CALD1: variants seen among roughly 807,000 people sequenced by gnomAD.
The protein encoded by CALD1 is caldesmon 1.
Under a neutral mutation model 99.9 loss-of-function variants are expected in CALD1, and 33 were observed. The ratio of observed to expected loss-of-function variants is 0.33; its 90% CI spans 0.25 to 0.44. CALD1 has a LOEUF of 0.44. Among genes scored for constraint, CALD1 ranks in the 20% least tolerant of loss-of-function variants. CALD1 has a pLI of 1.00. For missense variants in CALD1, 861 were observed against 962.1 expected (o/e 0.89, Z 1.39); for synonymous variants, 310 against 325.0 (o/e 0.95, Z 0.50).
chr7:134,923,864 G>A (rs554789510), intron 3 of CALD1, among the ~76,000 whole-genome samples: 1 of 152,254 alleles, frequency 6.6e-6, no homozygotes, highest in South Asian at 2.1e-4. Context: ...ATTAAACTCA[G>A]AAATTCTAAC....
At chr7:134,782,755 G>A (rs1797157167) in intron 1 of CALD1, among the ~76,000 whole-genome samples, 1 of 152,168 alleles carries the variant, frequency 6.6e-6, no homozygotes, top group Non-Finnish European at 1.5e-5. Context: ...TGGACATTAT[G>A]CTCATCTTGG....
At chr7:134,808,021 A>G (rs554396060) in intron 1 of CALD1, among the ~76,000 whole-genome samples, 30 of 152,338 alleles carry the variant, frequency 2.0e-4, no homozygotes, top group African/African-American at 7.0e-4. Flanking sequence ...CTCAGAGACT[A>G]AATTCTGCCA....
intron 1 of CALD1, among the ~76,000 whole-genome samples, chr7:134,802,447 A>G (rs1184457346): frequency 6.6e-6 from 1 of 152,240 alleles, no homozygotes; most frequent in Non-Finnish European, 1.5e-5. Flanking sequence ...ATTAATATAC[A>G]TAACTTGTTT....
At chr7:134,740,666 G>A (rs1796585240), upstream of CALD1, among the ~76,000 whole-genome samples, 1 of 152,180 alleles carries the variant, frequency 6.6e-6, no homozygotes, top group Admixed American at 6.5e-5. Context: ...TTGGAACAGT[G>A]ACAAACTAGA....
intron 3 of CALD1, among the ~76,000 whole-genome samples, chr7:134,868,979 ATAG>A (rs1216120893): frequency 6.6e-6 from 1 of 152,232 alleles, no homozygotes; most frequent in Non-Finnish European, 1.5e-5. Flanking sequence ...TACCTAGCAC[ATAG>A]TAGTTTTTCA....
At chr7:134,714,765 G>A in the CALD1 span, among the ~76,000 whole-genome samples, 1 of 152,204 alleles carries the variant, frequency 6.6e-6, no homozygotes, top group African/African-American at 2.4e-5. Context: ...AAAATGGGTG[G>A]TAACTTCCAG....
chr7:134,735,367 C>T, the CALD1 span, among the ~76,000 whole-genome samples: 1 of 152,100 alleles, frequency 6.6e-6, no homozygotes, highest in Non-Finnish European at 1.5e-5. Context: ...TAACACACAC[C>T]ATTCAGTATA....
chr7:134,857,179 T>G (rs1324202856), intron 2 of CALD1, among the ~76,000 whole-genome samples: 1 of 130,562 alleles, frequency 7.7e-6, no homozygotes, highest in Non-Finnish European at 1.6e-5. Flanking sequence ...TTTTTTTTTT[T>G]TTTTTTGGAG....
chr7:134,947,566 G>A lies in CALD1; in HGVS notation c.1591G>A (p.Glu531Lys). 6.4e-7 allele frequency: 1 copy of A among 1,562,398 alleles called. No homozygotes were observed. The highest frequency in any genetic ancestry group is 2.4e-5 in the East Asian group (1 of 41,612). Residue 531 changes from glutamate to lysine, a missense_variant, in exon 8 of 15, where the codon GAA becomes AAA. Physicochemically the swap from Glu to Lys is moderately conservative, Grantham distance 56. Coordinates refer to ENST00000361675, the MANE Select transcript of CALD1 (RefSeq NM_033138.4). Reference protein sequence around the residue: ...TKEAEGAPQVEAGKRLEELRR... With the variant: ...TKEAEGAPQVKAGKRLEELRR... ...GGAGGCTGAGGGCGCCCCCCAGGTG[G>A]AAGCCGGCAAAAGGCTGGAGGAGCT...
At position 134,958,189 on chromosome 7, in the gene CALD1, G is replaced by A. The variant is rs753641147; in HGVS notation, c.1980-20G>A. ...AAGATTCTCTCTCATATTTTTATAT[G>A]TATGTGTTTACTTTTTTAGCAGTGG... On this transcript the variant is annotated intron_variant, in intron 10 of 14. Coordinates refer to ENST00000361675, the MANE Select transcript of CALD1 (RefSeq NM_033138.4). 3 of 1,612,426 alleles carry A rather than the reference G, an allele frequency of 1.9e-6. No individual in the cohort carries two copies. The highest frequency in any genetic ancestry group is 2.5e-6 in the Non-Finnish European group (3 of 1,178,558).
intron 4 of CALD1, among the ~76,000 whole-genome samples, chr7:134,931,806 C>A (rs536974154): frequency 1.3e-5 from 2 of 152,266 alleles, no homozygotes; most frequent in East Asian, 3.9e-4. Flanking sequence ...ATTTAACTGC[C>A]CTTTTTCCAC....
intron 3 of CALD1, among the ~76,000 whole-genome samples, chr7:134,894,267 G>C (rs932163214): frequency 2.6e-5 from 4 of 152,136 alleles, no homozygotes; most frequent in Non-Finnish European, 5.9e-5. Context: ...TGCGTTCGGG[G>C]TACCAAAATT....
intron 1 of CALD1, among the ~76,000 whole-genome samples, chr7:134,792,611 C>T (rs531493554): frequency 5.1e-4 from 74 of 144,306 alleles, no homozygotes; most frequent in Middle Eastern, 3.5e-3. Context: ...TATAAAGACA[C>T]CAGTTGTATT....
chr7:134,845,847 A>C (rs1799830352), intron 2 of CALD1, among the ~76,000 whole-genome samples: 1 of 152,230 alleles, frequency 6.6e-6, no homozygotes. Context: ...ACACTGCACG[A>C]TACTTCTAAT....
chr7:134,940,665 CTCTCTCACAGAT>C (rs1289732933), intron 6 of CALD1, among the ~76,000 whole-genome samples: 2 of 152,158 alleles, frequency 1.3e-5, no homozygotes, highest in Non-Finnish European at 2.9e-5. Flanking sequence ...CCATTTGTGT[CTCTCTCACAGAT>C]TCTCTCACCA....
chr7:134,793,412 C>G (rs1797619660), intron 1 of CALD1, among the ~76,000 whole-genome samples: 1 of 152,150 alleles, frequency 6.6e-6, no homozygotes, highest in East Asian at 1.9e-4. Context: ...CTCAACAGTC[C>G]TCCTCACTTT....
At chr7:134,953,931 G>A (rs947321357) in intron 9 of CALD1, among the ~76,000 whole-genome samples, 1 of 152,288 alleles carries the variant, frequency 6.6e-6, no homozygotes, top group Non-Finnish European at 1.5e-5. Context: ...TTCAGGGGCA[G>A]ACAGTCTATG....
chr7:134,751,931 G>A (rs572993906), intron 1 of CALD1, among the ~76,000 whole-genome samples: 19 of 152,226 alleles, frequency 1.2e-4, no homozygotes, highest in African/African-American at 4.3e-4. Context: ...AGCCGAGATC[G>A]TGCCACTGCA....
At chr7:134,764,364 TAGAGAAAA>T (rs1268741266) in intron 1 of CALD1, among the ~76,000 whole-genome samples, 10 of 151,710 alleles carry the variant, frequency 6.6e-5, no homozygotes, top group Non-Finnish European at 1.2e-4. Flanking sequence ...AGAAAGGGAG[TAGAGAAAA>T]AGAGAAAAAA....
Sources: gnomAD v4.1 joint callset for allele counts (sites outside exome capture counted in the v4.1 genomes callset) on GRCh38, gnomAD v4.1.1 for gene constraint, MANE v1.5 for transcripts, NCBI Gene and HGNC (gene_info 2026-07-23, HGNC 2026-07-21) for gene names.